The following ALMS1 variants were observed in gnomAD, a reference collection of about 807,000 sequenced individuals.
ALMS1 encodes centrosome-associated protein ALMS1.
A neutral mutation model predicts 352.2 loss-of-function variants in ALMS1; 271 were observed. The ratio of observed to expected loss-of-function variants is 0.77; its 90% CI spans 0.70 to 0.85. The LOEUF is 0.85. Ranked by LOEUF, ALMS1 falls within the 40% of genes least tolerant of loss-of-function variation. The pLI is 0.00. For synonymous variants in ALMS1, 1,865 were observed against 1,761.2 expected, an observed-to-expected ratio of 1.06 and a Z score of -1.48; for missense variants, 5,445 against 4,870.7, an observed-to-expected ratio of 1.12 and a Z score of -3.51.
chr2:73,532,450 A>G (rs114765051), intron 11 of ALMS1, among the ~76,000 whole-genome samples: 3,387 of 152,298 alleles, frequency 0.022, 128 homozygotes, highest in Admixed American at 0.089. Flanking sequence ...CCACAAGACA[A>G]AAAGTTCTTA....
chr2:73,447,544 G>A lies in ALMS1; in HGVS notation c.1433-416G>A, dbSNP rs898030758. ...CGTGAAAATAAGCTGATGAGCCTTTGCTGTACCAGGGATCATGAAGTCTTT... is the reference window on the plus strand; with the variant it reads ...CGTGAAAATAAGCTGATGAGCCTTTACTGTACCAGGGATCATGAAGTCTTT... On this transcript the variant is annotated intron_variant, in intron 7 of 22. Transcript: ENST00000613296. 9.9e-5 allele frequency among the ~76,000 whole-genome samples: 15 copies of A among 152,246 alleles called. No homozygotes were observed. The South Asian group carries it at 2.7e-3, about 27-fold the overall frequency.
rs149542800 is a variant in ALMS1, at chr2:73,527,729, T to C, written c.9782-7095T>C. On this transcript the variant is annotated intron_variant, in intron 11 of 22. Transcript: ENST00000613296. ...ACAAACTTTTTGTTTCATTTTGCGA[T>C]GTTTTTCTCATATCAATTTTATGTA... Among the ~76,000 whole-genome samples the C allele has an allele frequency of 2.0e-3, 309 of 152,246 alleles. 4 individuals are homozygous for C. The highest frequency in any genetic ancestry group is 7.1e-3 in the African/African-American group (297 of 41,574).
intron 12 of ALMS1, among the ~76,000 whole-genome samples, chr2:73,548,744 G>A (rs537386199): frequency 3.3e-5 from 5 of 152,218 alleles, no homozygotes; most frequent in Non-Finnish European, 7.4e-5. Context: ...TGCTGGAGTC[G>A]GATGCTCAGA....
chr2:73,449,592 C>T lies in ALMS1; in HGVS notation c.3065C>T (p.Ala1022Val), dbSNP rs1453516499. Residue 1022 changes from alanine to valine, a missense_variant, in exon 8 of 23, where the codon GCA becomes GTA. By Grantham distance (64) the Ala-to-Val change is moderately conservative. Transcript: ENST00000613296. ...CAACAGGAGTGGCCAGATAGTTATG[C>T]AACTGAAAAGGCTCTGAAAGTTTCA... Reference protein sequence around the residue: ...FYQQEWPDSYATEKALKVSTG... With the variant: ...FYQQEWPDSYVTEKALKVSTG... The T allele has an allele frequency of 1.2e-6, 2 of 1,613,728 alleles. No homozygotes were observed. The highest frequency in any genetic ancestry group is 2.2e-5 in the East Asian group (1 of 44,834).
intron 9 of ALMS1, among the ~76,000 whole-genome samples, chr2:73,468,523 C>T (rs1672405090): frequency 6.6e-6 from 1 of 151,962 alleles, no homozygotes; most frequent in East Asian, 1.9e-4. Flanking sequence ...AAACTTATAC[C>T]CATTAAATAA....
chr2:73,582,841 A>G (rs1450374970), intron 16 of ALMS1, among the ~76,000 whole-genome samples: 1 of 152,170 alleles, frequency 6.6e-6, no homozygotes, highest in Non-Finnish European at 1.5e-5. Flanking sequence ...GAACATGGGT[A>G]TGTAACTGTC....
intron 9 of ALMS1, among the ~76,000 whole-genome samples, chr2:73,461,100 C>A (rs984867127): frequency 6.6e-6 from 1 of 152,212 alleles, no homozygotes. Flanking sequence ...GTGGTTCTCC[C>A]AGCACGCAGC....
chr2:73,468,818 C>A (rs192090328), intron 9 of ALMS1, among the ~76,000 whole-genome samples: 2 of 151,954 alleles, frequency 1.3e-5, no homozygotes, highest in Non-Finnish European at 2.9e-5. Context: ...TAAGGAGGAA[C>A]CTGCTTCTGT....
chr2:73,599,284 A>C (rs944269930), intron 16 of ALMS1, 117 bp from the exon 17 acceptor site: 3 of 1,346,616 alleles, frequency 2.2e-6, no homozygotes, highest in Non-Finnish European at 3.1e-6. Flanking sequence ...GCTTCCTCCA[A>C]ATGCATCTCA....
At chr2:73,595,256 A>T (rs769426452) in intron 16 of ALMS1, among the ~76,000 whole-genome samples, 14 of 152,214 alleles carry the variant, frequency 9.2e-5, no homozygotes, top group Non-Finnish European at 1.3e-4. Flanking sequence ...TTTTGCAATC[A>T]TCACCAAAAT....
chr2:73,483,367 A>G (rs1428557757), intron 9 of ALMS1, among the ~76,000 whole-genome samples: 3 of 149,476 alleles, frequency 2.0e-5, no homozygotes, highest in South Asian at 2.2e-4. Context: ...TTCAGTTTCC[A>G]TGTAGTTGAG....
intron 15 of ALMS1, among the ~76,000 whole-genome samples, chr2:73,562,287 T>A (rs1209256764): frequency 1.3e-5 from 2 of 152,134 alleles, no homozygotes; most frequent in Non-Finnish European, 2.9e-5. Flanking sequence ...CACCTCAGCC[T>A]GTAGAGTAGC....
At chr2:73,435,678 C>G (rs569636518) in intron 7 of ALMS1, among the ~76,000 whole-genome samples, 7 of 151,870 alleles carry the variant, frequency 4.6e-5, no homozygotes, top group South Asian at 2.1e-4. Flanking sequence ...ATAGCTCACT[C>G]TAACCTGAGC....
At chr2:73,432,888 A>G (rs1671530625) in intron 7 of ALMS1, among the ~76,000 whole-genome samples, 1 of 152,190 alleles carries the variant, frequency 6.6e-6, no homozygotes, top group Non-Finnish European at 1.5e-5. Flanking sequence ...GTCTGATGTT[A>G]GAATCTGTTT....
At chr2:73,463,258 A>G (rs1672247934) in intron 9 of ALMS1, among the ~76,000 whole-genome samples, 1 of 152,224 alleles carries the variant, frequency 6.6e-6, no homozygotes. Context: ...TATCTCTCAG[A>G]CCACAGTGCA....
At chr2:73,386,706 G>A (rs1418434328) in intron 1 of ALMS1, among the ~76,000 whole-genome samples, 1 of 152,070 alleles carries the variant, frequency 6.6e-6, no homozygotes, top group Non-Finnish European at 1.5e-5. Flanking sequence ...GCAATAAAGG[G>A]GTTCCCCAGC....
At chr2:73,507,648 A>G (rs1322137006) in intron 10 of ALMS1, among the ~76,000 whole-genome samples, 2 of 151,916 alleles carry the variant, frequency 1.3e-5, no homozygotes, top group African/African-American at 2.4e-5. Flanking sequence ...TATTGTGTCT[A>G]TTTGATTCTT....
chr2:73,600,552 C>T, intron 17 of ALMS1, 126 bp from the exon 18 acceptor site: 2 of 815,182 alleles, frequency 2.5e-6, no homozygotes, highest in South Asian at 2.2e-5. Context: ...CTCTTCGCAT[C>T]CCTCCATCCC....
chr2:73,568,995 CTTTTTTTTTTTTTTTTTTTT>C lies in ALMS1; in HGVS notation c.10385-3249_10385-3230del, dbSNP rs747436819. On this transcript the variant is annotated intron_variant, in intron 15 of 22. Transcript: ENST00000613296. The stretch of plus-strand genomic sequence containing the variant: ...AGCTTGCTTGCTGCTGCTTCTGCTT[CTTTTTTTTTTTTTTTTTTTT>C]TTTTTTTTTTTTTTTTTGAGATGAA... Among the ~76,000 whole-genome samples, 41 of 53,554 alleles carry C rather than the reference CTTTTTTTTTTTTTTTTTTTT, an allele frequency of 7.7e-4. 2 individuals carry two copies. Among genetic ancestry groups the C allele is most frequent in the East Asian group, 3.0e-3 (6 of 1,976 alleles). The allele number at this position is 53,554 out of a possible 152,430, so 35.1% of individuals were successfully genotyped here.
Sources: gnomAD v4.1 joint callset for allele counts (sites outside exome capture counted in the v4.1 genomes callset) on GRCh38, gnomAD v4.1.1 for gene constraint, MANE v1.5 for transcripts, NCBI Gene and HGNC (gene_info 2026-07-23, HGNC 2026-07-21) for gene names.